Variants in ABCA12 observed in about 807,000 individuals in gnomAD.
The protein encoded by ABCA12 is ATP binding cassette subfamily A member 12, also known as glucosylceramide transporter ABCA12.
In ABCA12, 156 loss-of-function variants were observed where a neutral mutation model predicts 293.5. That is an observed-to-expected ratio of 0.53 (90% CI 0.47 to 0.61). The LOEUF (loss-of-function observed/expected upper bound fraction) is 0.61, where lower values mean the gene tolerates loss of function less well. ABCA12 is among the 20% of genes least tolerant of loss of function. The probability of loss-of-function intolerance (pLI) is 0.00; values close to 1 mark genes in which losing one functional copy is unlikely to be tolerated. For synonymous variants in ABCA12, 1,063 were observed against 1,108.0 expected (o/e 0.96, Z 0.81); for missense variants, 2,797 against 3,090.2 (o/e 0.91, Z 2.25).
chr2:214,947,665 A>C, intron 47 of ABCA12, 109 bp from the exon 48 acceptor site: 1 of 1,254,582 alleles, frequency 8.0e-7, no homozygotes, highest in Non-Finnish European at 1.1e-6. Context: ...ATCATGGAGA[A>C]TATATCTGGA....
At chr2:215,082,265 G>A (rs1473968221) in intron 2 of ABCA12, among the ~76,000 whole-genome samples, 2 of 151,452 alleles carry the variant, frequency 1.3e-5, no homozygotes, top group African/African-American at 4.9e-5. Context: ...GGCTGGTCTC[G>A]AACTCCTGAC....
chr2:215,057,872 C>G (rs1308556408), intron 3 of ABCA12, among the ~76,000 whole-genome samples: 4 of 151,980 alleles, frequency 2.6e-5, no homozygotes, highest in African/African-American at 7.2e-5. Flanking sequence ...GCCACAGCCC[C>G]AAAGTTATCA....
chr2:215,067,782 A>G (rs571780520), intron 2 of ABCA12, among the ~76,000 whole-genome samples: 15 of 152,154 alleles, frequency 9.9e-5, no homozygotes, highest in African/African-American at 2.2e-4. Context: ...ACACTGTCCA[A>G]TCATAACACT....
In ABCA12 at chr2:215,138,281, C is replaced by A; in HGVS notation, c.-73G>T. ...ACAAATGAAGAACTGATGCCCCGTC[C>A]AACTTGCTGTATGTCAGTGTATCAG... On this transcript the variant is annotated 5_prime_UTR_variant, in exon 1 of 53. Coordinates refer to ENST00000272895, the MANE Select transcript of ABCA12 (RefSeq NM_173076.3). 1 of 1,519,294 alleles carries A rather than the reference C, an allele frequency of 6.6e-7. No individual in the cohort carries two copies. The highest frequency in any genetic ancestry group is 9.1e-7 in the Non-Finnish European group (1 of 1,093,988). 94.1% of individuals were successfully genotyped at this position (1,519,294 alleles called of 1,614,324 possible).
intron 1 of ABCA12, among the ~76,000 whole-genome samples, chr2:215,132,324 T>C (rs1703077334): frequency 6.6e-6 from 1 of 152,088 alleles, no homozygotes; most frequent in Non-Finnish European, 1.5e-5. Flanking sequence ...TGTCTAGTAA[T>C]ATAAGTGGGG....
At chr2:215,108,926 G>A (rs1461782479) in intron 2 of ABCA12, among the ~76,000 whole-genome samples, 2 of 152,020 alleles carry the variant, frequency 1.3e-5, no homozygotes, top group Non-Finnish European at 2.9e-5. Flanking sequence ...AAATTAGCCA[G>A]GTGTGGTGGT....
intron 3 of ABCA12, among the ~76,000 whole-genome samples, chr2:215,058,320 C>T (rs1196811514): frequency 6.6e-6 from 1 of 151,924 alleles, no homozygotes; most frequent in East Asian, 1.9e-4. Flanking sequence ...ATGCACAACA[C>T]AACAAAGAAT....
At chr2:215,035,977 A>T (rs975469787) in intron 8 of ABCA12, 2 of 152,190 alleles carry the variant, frequency 1.3e-5, no homozygotes, top group Non-Finnish European at 2.9e-5. Context: ...CAAATATGAA[A>T]AGAAAACAGA....
chr2:215,052,289 A>C (rs1701334294), intron 5 of ABCA12, among the ~76,000 whole-genome samples, 198 bp downstream of exon 5: 1 of 151,808 alleles, frequency 6.6e-6, no homozygotes, highest in Admixed American at 6.6e-5. Context: ...AAGTAAATAA[A>C]TACTCAAGAT....
chr2:215,122,128 T>G (rs977470633), intron 1 of ABCA12, among the ~76,000 whole-genome samples: 1 of 152,188 alleles, frequency 6.6e-6, no homozygotes, highest in African/African-American at 2.4e-5. Flanking sequence ...CAACGGATTT[T>G]TATCAGACAT....
chr2:215,028,097 G>A (rs1700788918), intron 9 of ABCA12, among the ~76,000 whole-genome samples: 1 of 152,178 alleles, frequency 6.6e-6, no homozygotes, highest in South Asian at 2.1e-4. Flanking sequence ...AAATGTCAAT[G>A]GCTGATTTGG....
intron 2 of ABCA12, among the ~76,000 whole-genome samples, chr2:215,067,079 T>C (rs973739285): frequency 6.6e-6 from 1 of 152,100 alleles, no homozygotes; most frequent in Non-Finnish European, 1.5e-5. Context: ...AAAAATGATA[T>C]TTTTTCCATT....
chr2:215,104,892 A>G (rs1374931022), intron 2 of ABCA12, among the ~76,000 whole-genome samples: 1 of 152,194 alleles, frequency 6.6e-6, no homozygotes, highest in Non-Finnish European at 1.5e-5. Context: ...GGCATTATAG[A>G]CATTATTTTG....
In ABCA12 at chr2:215,018,007, C is replaced by A; in HGVS notation, c.1782+1G>T. ...GTAAGTACAAACACATGACACCCCACCTCAGCTCTATTATCAGGGATGGGA... is the reference window on the plus strand; with the variant it reads ...GTAAGTACAAACACATGACACCCCAACTCAGCTCTATTATCAGGGATGGGA... On this transcript the variant is annotated splice_donor_variant, in intron 14 of 52. Transcript: ENST00000272895. LOFTEE classifies it high-confidence loss of function. 9 of 1,614,112 alleles carry A rather than the reference C, an allele frequency of 5.6e-6. No homozygotes were observed. Among genetic ancestry groups the A allele is most frequent in the Non-Finnish European group, 7.6e-6 (9 of 1,180,012 alleles).
At position 215,030,533 on chromosome 2, in the gene ABCA12, G is replaced by A. The variant is rs180734182; in HGVS notation, c.1061+1288C>T. On this transcript the variant is annotated intron_variant, in intron 9 of 52. Transcript: ENST00000272895. ...GCAGGAGAATGGCGTGAAGCCGGGA[G>A]GCGGAGCTTGCAGTGAGCCGAGATG... 5.3e-3 allele frequency among the ~76,000 whole-genome samples: 811 copies of A among 151,798 alleles called. 10 individuals are homozygous for A. Among genetic ancestry groups the A allele is most frequent in the African/African-American group, 0.019 (767 of 41,352 alleles).
intron 1 of ABCA12, among the ~76,000 whole-genome samples, chr2:215,137,405 T>C (rs1028849972): frequency 1.3e-5 from 2 of 152,196 alleles, no homozygotes; most frequent in East Asian, 1.9e-4. Flanking sequence ...TCTGAATATA[T>C]AACAACTCCC....
chr2:214,950,812 A>T, intron 45 of ABCA12, 67 bp downstream of exon 45: 1 of 1,549,476 alleles, frequency 6.5e-7, no homozygotes, highest in Non-Finnish European at 8.9e-7. Context: ...GCCAATAATT[A>T]AGATTTTAAT....
intron 3 of ABCA12, 21 bp from the exon 4 acceptor site, chr2:215,054,685 A>G: frequency 3.8e-6 from 6 of 1,564,540 alleles, no homozygotes; most frequent in Non-Finnish European, 5.3e-6. Flanking sequence ...AAAAGCAAGA[A>G]CTCTGTAACT....
At position 215,012,119 on chromosome 2, in the gene ABCA12, T is replaced by G; in HGVS notation, c.1973A>C (p.Lys658Thr). Residue 658 changes from lysine (K) to threonine (T), a missense_variant, in exon 16 of 53, where the codon AAA becomes ACA. Physicochemically the swap from Lys to Thr is moderately conservative, Grantham distance 78. Transcript: ENST00000272895. Reference protein sequence around the residue: ...NFTYKVFFPRKDQKPVEKMME... With the variant: ...NFTYKVFFPRTDQKPVEKMME... Reference sequence around the variant, plus strand: ...CATCTTTTCTACTGGCTTTTGATCTTTCCTCGGGAAAAACACCTAACAGAA... The same window carrying G: ...CATCTTTTCTACTGGCTTTTGATCTGTCCTCGGGAAAAACACCTAACAGAA... The G allele has an allele frequency of 1.2e-6, 2 of 1,613,978 alleles. No individual in the cohort carries two copies. The highest frequency in any genetic ancestry group is 3.3e-5 in the Admixed American group (2 of 60,018).
Sources: allele counts gnomAD v4.1 joint callset (sites outside exome capture counted in the v4.1 genomes callset), GRCh38; gene constraint gnomAD v4.1.1; transcripts MANE v1.5; gene names NCBI Gene and HGNC (gene_info 2026-07-23, HGNC 2026-07-21).